The following MRE11 variants were observed in gnomAD, a reference collection of about 807,000 sequenced individuals.
MRE11 encodes the protein MRE11 double strand break repair nuclease, also known as double-strand break repair protein MRE11.
A neutral mutation model predicts 91.7 loss-of-function variants in MRE11; 62 were observed. The observed-to-expected ratio is 0.68, with a 90% CI of 0.55 to 0.84. The LOEUF is 0.84. MRE11 is among the 40% of genes least tolerant of loss of function. MRE11 has a pLI of 0.00. For missense variants in MRE11, 796 were observed against 852.9 expected (o/e 0.93, Z 0.83); for synonymous variants, 273 against 271.4 (o/e 1.01, Z -0.06).
chr11:94,426,922 C>A (rs1295569482), intron 19 of MRE11, among the ~76,000 whole-genome samples: 1 of 151,994 alleles, frequency 6.6e-6, no homozygotes, highest in Non-Finnish European at 1.5e-5. Context: ...AACTGACCAA[C>A]CAAAAAAGCC....
intron 14 of MRE11, among the ~76,000 whole-genome samples, chr11:94,452,731 G>A (rs1946142537): frequency 4.6e-5 from 7 of 152,114 alleles, no homozygotes; most frequent in Admixed American, 4.6e-4. Flanking sequence ...CTTAACTCAT[G>A]AGTGCAGGTC....
chr11:94,444,115 C>A (rs112920010), intron 16 of MRE11, among the ~76,000 whole-genome samples: 1 of 151,870 alleles, frequency 6.6e-6, no homozygotes, highest in Non-Finnish European at 1.5e-5. Flanking sequence ...CACCTTGTTG[C>A]CCAGACTGGT....
At chr11:94,502,588 T>C in the MRE11 span, among the ~76,000 whole-genome samples, 1 of 152,260 alleles carries the variant, frequency 6.6e-6, no homozygotes, top group African/African-American at 2.4e-5. Flanking sequence ...TACTTGTATC[T>C]ACTTTTAAAT....
upstream of MRE11, chr11:94,498,061 T>C: frequency 6.5e-7 from 1 of 1,546,650 alleles, no homozygotes; most frequent in South Asian, 1.2e-5. Context: ...TTTCTTTTTT[T>C]TCTTCTCAGC....
chr11:94,467,905 T>A lies in MRE11; in HGVS notation c.1018-12A>T. On this transcript the variant is annotated splice_polypyrimidine_tract_variant and intron_variant, in intron 9 of 19. Coordinates refer to ENST00000323929, the MANE Select transcript of MRE11 (RefSeq NM_005591.4). ...AGCATTTCTTCAATCTCAAAATTTT[T>A]AAAAAGATTAAAAAACAACGTAGTA... 6.2e-7 allele frequency: 1 copy of A among 1,607,696 alleles called. No homozygotes were observed. Among genetic ancestry groups the A allele is most frequent in the Non-Finnish European group, 8.5e-7 (1 of 1,174,762 alleles).
At chr11:94,432,596 A>T (rs1225997883) in intron 18 of MRE11, among the ~76,000 whole-genome samples, 1 of 152,216 alleles carries the variant, frequency 6.6e-6, no homozygotes, top group Admixed American at 6.5e-5. Flanking sequence ...TCACGAGGTC[A>T]GGAGATCCAG....
chr11:94,455,067 A>T (rs1350264458), intron 14 of MRE11, among the ~76,000 whole-genome samples: 1 of 152,168 alleles, frequency 6.6e-6, no homozygotes, highest in Admixed American at 6.5e-5. Context: ...AGTGATTCTG[A>T]TGTGTTGCAT....
rs766451752 is a variant in MRE11, at chr11:94,470,563, T to C, written c.925A>G (p.Met309Val). ...IPLHTVRQFF[M>V]EDIVLANHPD... ...TGATTAGCTAGAACAATATCCTCCA[T>C]GAAAAACTGCCGCACTGTGTGAAGA... The change falls in exon 9 of 20, where the codon ATG becomes GTG. Residue 309 changes from methionine (M) to valine (V), a missense_variant. Met to Val is a conservative substitution (Grantham distance 21, BLOSUM62 1). Transcript: ENST00000323929. 2.5e-6 allele frequency: 4 copies of C among 1,613,314 alleles called. No homozygotes were observed. The highest frequency in any genetic ancestry group is 1.7e-5 in the Admixed American group (1 of 59,962).
Position 94,471,788 on chromosome 11 carries a change from T to C in MRE11, c.660-29A>G, listed in dbSNP as rs773172696. ...TATCAAGATTTTGAAAAATATAAAT[T>C]CGGTGATTAGAAAAATTTCATATTA... On this transcript the variant is annotated intron_variant, in intron 7 of 19. Transcript: ENST00000323929. 9.0e-6 allele frequency: 14 copies of C among 1,561,868 alleles called. No individual in the cohort carries two copies. In the African/African-American group the frequency reaches 1.9e-4, roughly 21 times the overall value.
At chr11:94,440,171 T>C (rs1945736659) in intron 16 of MRE11, among the ~76,000 whole-genome samples, 1 of 152,248 alleles carries the variant, frequency 6.6e-6, no homozygotes, top group Non-Finnish European at 1.5e-5. Flanking sequence ...TCAGGAAATC[T>C]GACGTTTCGT....
upstream of MRE11, chr11:94,496,568 T>C (rs1181709879): frequency 8.2e-6 from 7 of 858,242 alleles, no homozygotes; most frequent in Non-Finnish European, 1.2e-5. Context: ...GCCTGAATTA[T>C]TGTTTTACTA....
In MRE11 at chr11:94,417,993, C is replaced by G; in HGVS notation, c.*2132G>C. On this transcript the variant is annotated 3_prime_UTR_variant, in exon 20 of 20. Coordinates refer to ENST00000323929, the MANE Select transcript of MRE11 (RefSeq NM_005591.4). Reference sequence around the variant, plus strand: ...AAGAATTCCCTACAGATGTCTTCCTCTGAATGTTTTCATTCCTGCTCTCCC... The same window carrying G: ...AAGAATTCCCTACAGATGTCTTCCTGTGAATGTTTTCATTCCTGCTCTCCC... 4.3e-6 allele frequency: 1 copy of G among 233,086 alleles called. No homozygotes were observed. Among genetic ancestry groups the G allele is most frequent in the Non-Finnish European group, 8.5e-6 (1 of 117,980 alleles). The allele number at this position is 233,086 out of a possible 1,614,324, so 14.4% of individuals were successfully genotyped here. A position where few individuals can be genotyped will look rare whatever the true frequency, so the allele number is the denominator to read the frequency against.
At chr11:94,464,016 T>G (rs1946490926) in intron 11 of MRE11, 97 bp downstream of exon 11, 3 of 1,350,798 alleles carry the variant, frequency 2.2e-6, no homozygotes, top group Non-Finnish European at 2.1e-6. Context: ...ACAATCATAT[T>G]AAAACATCTT....
intron 19 of MRE11, among the ~76,000 whole-genome samples, chr11:94,429,009 T>C (rs1945395885): frequency 6.6e-6 from 1 of 151,904 alleles, no homozygotes; most frequent in Non-Finnish European, 1.5e-5. Context: ...AAAAATCAAA[T>C]AACTGCATCA....
chr11:94,479,699 T>C lies in MRE11; in HGVS notation c.377A>G (p.His126Arg), dbSNP rs2135090975. The change falls in exon 5 of 20, where the codon CAT (histidine) becomes CGT (arginine). Residue 126 changes from histidine (H) to arginine (R), a missense_variant. Physicochemically the swap from His to Arg is conservative, Grantham distance 29 (BLOSUM62 0). Transcript: ENST00000323929. ...CCCTGTGGGATCGTCATGATTGCCA[T>C]GAATACTAAACACTGGAATTGAAAT... is the stretch of plus-strand genomic sequence containing the variant. Reference protein sequence around the residue: ...LNISIPVFSIHGNHDDPTGAD... With the variant: ...LNISIPVFSIRGNHDDPTGAD... 6.2e-7 allele frequency: 1 copy of C among 1,613,068 alleles called. No homozygotes were observed. Among genetic ancestry groups the C allele is most frequent in the South Asian group, 1.1e-5 (1 of 91,070 alleles).
chr11:94,449,915 C>A (rs993032010), intron 14 of MRE11, among the ~76,000 whole-genome samples: 1 of 152,132 alleles, frequency 6.6e-6, no homozygotes, highest in Non-Finnish European at 1.5e-5. Flanking sequence ...AGTCTGACAT[C>A]GATCAAAATG....
upstream of MRE11, chr11:94,498,300 A>G (rs1442035394): frequency 3.7e-6 from 6 of 1,614,050 alleles, no homozygotes; most frequent in South Asian, 1.1e-5. Flanking sequence ...TTACTGCAGC[A>G]TGATGCAGAT....
At chr11:94,491,011 A>G (rs1410545068) in intron 2 of MRE11, 46 bp from the exon 3 acceptor site, 2 of 1,128,318 alleles carry the variant, frequency 1.8e-6, no homozygotes, top group African/African-American at 3.1e-5. Flanking sequence ...ATAATTCATT[A>G]AAGGATATTC....
intron 13 of MRE11, among the ~76,000 whole-genome samples, chr11:94,457,887 T>TCTCTCACACACACA (rs372404360): frequency 1.6e-3 from 227 of 144,298 alleles, no homozygotes; most frequent in South Asian, 0.013. Context: ...TCTCTCTCTC[T>TCTCTCACACACACA]CACACACACA....
Sources: gnomAD v4.1 joint callset for allele counts (sites outside exome capture counted in the v4.1 genomes callset) on GRCh38, gnomAD v4.1.1 for gene constraint, MANE v1.5 for transcripts, NCBI Gene and HGNC (gene_info 2026-07-23, HGNC 2026-07-21) for gene names.